STK33: variants seen among roughly 807,000 people sequenced by gnomAD.
STK33 encodes the protein serine/threonine-protein kinase 33.
STK33 carries 52 observed loss-of-function variants against 58.0 expected under a neutral mutation model. The observed-to-expected ratio is 0.90, with a 90% CI of 0.72 to 1.13. The LOEUF is 1.13. Ranked by LOEUF, STK33 falls within the 50% of genes most tolerant of loss-of-function variation. The pLI is 0.00. For synonymous variants in STK33, 215 were observed against 200.1 expected (o/e 1.07, Z -0.63); for missense variants, 630 against 604.2 (o/e 1.04, Z -0.45).
chr11:8,396,132 T>G (rs556582490), intron 15 of STK33, among the ~76,000 whole-genome samples: 6 of 152,276 alleles, frequency 3.9e-5, no homozygotes, highest in African/African-American at 1.4e-4. Context: ...AGGTGGAGTT[T>G]TGCTCTTATC....
intron 2 of STK33, among the ~76,000 whole-genome samples, 80 bp downstream of exon 2, chr11:8,480,330 T>A (rs1949693464): frequency 6.6e-6 from 1 of 152,144 alleles, no homozygotes; most frequent in Non-Finnish European, 1.5e-5. Flanking sequence ...GCCCTAAAAT[T>A]ATATGAAGAT....
chr11:8,586,959 G>C (rs577827989), intron 1 of STK33, among the ~76,000 whole-genome samples: 1 of 151,756 alleles, frequency 6.6e-6, no homozygotes, highest in East Asian at 1.9e-4. Flanking sequence ...AATTTAGTAA[G>C]TGAATGACTC....
chr11:8,462,071 C>T (rs1294565508), intron 7 of STK33, among the ~76,000 whole-genome samples, 162 bp from the exon 8 acceptor site: 12 of 151,964 alleles, frequency 7.9e-5, no homozygotes, highest in Admixed American at 7.9e-4. Context: ...GATATCATGC[C>T]ATTTATTCCT....
the STK33 span, among the ~76,000 whole-genome samples, chr11:8,351,654 G>A: frequency 6.2e-4 from 95 of 152,340 alleles, 1 homozygote; most frequent in African/African-American, 2.2e-3. Flanking sequence ...AGGCCTTCTC[G>A]GGGCAGGCCC....
chr11:8,410,470 C>CTTTTTTTTTTTTTTTTTT (rs11382344), intron 15 of STK33, among the ~76,000 whole-genome samples: 7 of 121,840 alleles, frequency 5.7e-5, no homozygotes, highest in East Asian at 2.5e-4. Flanking sequence ...CTTTTCTTTT[C>CTTTTTTTTTTTTTTTTTT]TTTTTTTTTT....
At chr11:8,587,462 C>A (rs1041619454) in intron 1 of STK33, among the ~76,000 whole-genome samples, 1 of 152,074 alleles carries the variant, frequency 6.6e-6, no homozygotes, top group Admixed American at 6.5e-5. Flanking sequence ...CCACACTGCA[C>A]GCTTGAACCT....
chr11:8,369,057 C>T, the STK33 span, among the ~76,000 whole-genome samples: 13 of 152,138 alleles, frequency 8.5e-5, no homozygotes, highest in African/African-American at 2.9e-4. Context: ...ATACACATCT[C>T]GGTTCACTGC....
At position 8,575,001 on chromosome 11, in the gene STK33, C is replaced by T. The variant is rs761643157; in HGVS notation, c.-466+19082G>A. 3.5e-4 allele frequency among the ~76,000 whole-genome samples: 53 copies of T among 152,056 alleles called. 1 individual carries two copies. Among genetic ancestry groups the T allele is most frequent in the South Asian group, 6.2e-4 (3 of 4,814 alleles). The stretch of plus-strand genomic sequence containing the variant: ...TTGAAGCTACACTGAACTATAATTG[C>T]GCAACTGCACTCCAGTCTGGCAAGG... On this transcript the variant is annotated intron_variant, in intron 1 of 15. Transcript: ENST00000687296.
the STK33 span, among the ~76,000 whole-genome samples, chr11:8,352,308 G>T: frequency 1.5e-3 from 224 of 152,276 alleles, 1 homozygote; most frequent in Non-Finnish European, 2.0e-3. Context: ...GAGCTCTAGG[G>T]TTTCAGCCCT....
intron 6 of STK33, chr11:8,466,703 G>C (rs1948226918): frequency 6.6e-6 from 1 of 152,316 alleles, no homozygotes; most frequent in East Asian, 1.9e-4. Context: ...CCACTAGGCA[G>C]TGCCCCAGTA....
chr11:8,336,195 C>A, the STK33 span, among the ~76,000 whole-genome samples: 2 of 152,228 alleles, frequency 1.3e-5, no homozygotes, highest in Non-Finnish European at 2.9e-5. Context: ...GACACAGGGG[C>A]CCCACCTGGC....
chr11:8,584,234 C>T (rs532118510), intron 1 of STK33, among the ~76,000 whole-genome samples: 1 of 152,188 alleles, frequency 6.6e-6, no homozygotes, highest in East Asian at 1.9e-4. Flanking sequence ...AGCTATCATA[C>T]CCTCCCTTCC....
chr11:8,522,970 T>A (rs1170027589), intron 1 of STK33, among the ~76,000 whole-genome samples: 1 of 152,196 alleles, frequency 6.6e-6, no homozygotes, highest in Non-Finnish European at 1.5e-5. Flanking sequence ...TTTCGTATTT[T>A]TTTGGTGGAG....
chr11:8,514,377 G>A (rs1952591929), intron 1 of STK33, among the ~76,000 whole-genome samples: 1 of 152,034 alleles, frequency 6.6e-6, no homozygotes, highest in African/African-American at 2.4e-5. Context: ...TAGCCATCGT[G>A]AATAAAACCA....
chr11:8,583,754 A>T (rs1272181569), intron 1 of STK33, among the ~76,000 whole-genome samples: 2 of 152,236 alleles, frequency 1.3e-5, no homozygotes, highest in Non-Finnish European at 2.9e-5. Context: ...AAAGAATCAA[A>T]TAAAATAAAA....
chr11:8,461,939 A>G (rs1947577400), intron 7 of STK33, 30 bp from the exon 8 acceptor site: 1 of 1,524,482 alleles, frequency 6.6e-7, no homozygotes, highest in African/African-American at 1.4e-5. Flanking sequence ...CAGATTTCAC[A>G]TAATGAAAAT....
At chr11:8,536,953 A>ATT (rs1565305296) in intron 1 of STK33, among the ~76,000 whole-genome samples, 14 of 114,028 alleles carry the variant, frequency 1.2e-4, no homozygotes, top group Non-Finnish European at 1.9e-4. Flanking sequence ...AGCTAATTAA[A>ATT]AAAAAAAAAA....
chr11:8,585,294 G>A (rs1057209403), intron 1 of STK33, among the ~76,000 whole-genome samples: 28 of 136,098 alleles, frequency 2.1e-4, no homozygotes, highest in Non-Finnish European at 3.1e-4. Flanking sequence ...GCGCAATCTC[G>A]GCTCACTACA....
At chr11:8,508,460 T>TG (rs1270145296) in intron 1 of STK33, among the ~76,000 whole-genome samples, 1 of 152,028 alleles carries the variant, frequency 6.6e-6, no homozygotes, top group East Asian at 1.9e-4. Flanking sequence ...ATTGCAGTGA[T>TG]GGAGTCTCCC....
Sources: gnomAD v4.1 joint callset for allele counts (sites outside exome capture counted in the v4.1 genomes callset) on GRCh38, gnomAD v4.1.1 for gene constraint, MANE v1.5 for transcripts, NCBI Gene and HGNC (gene_info 2026-07-23, HGNC 2026-07-21) for gene names.